Variants in SMAD4 observed in about 807,000 individuals in gnomAD.
SMAD4 encodes the protein SMAD family member 4.
SMAD4 carries 7 observed loss-of-function variants against 63.2 expected under a neutral mutation model. The ratio of observed to expected loss-of-function variants is 0.11; its 90% confidence interval spans 0.06 to 0.21. The LOEUF (loss-of-function observed/expected upper bound fraction) is 0.21. Ranked by LOEUF, SMAD4 falls within the 10% of genes least tolerant of loss-of-function variation. The probability of loss-of-function intolerance (pLI) is 1.00; values close to 1 mark genes in which losing one functional copy is unlikely to be tolerated. For missense variants in SMAD4, 312 were observed against 693.8 expected, an observed-to-expected ratio of 0.45 and a Z score of 6.18; for synonymous variants, 215 against 235.4, an observed-to-expected ratio of 0.91 and a Z score of 0.79.
chr18:51,061,500 G>T (rs765178555), intron 8 of SMAD4, among the ~76,000 whole-genome samples: 5 of 152,066 alleles, frequency 3.3e-5, no homozygotes, highest in African/African-American at 4.8e-5. Context: ...AATACCTCCA[G>T]TTCTATCCAT....
intron 1 of SMAD4, among the ~76,000 whole-genome samples, chr18:51,030,896 C>T (rs1462344483): frequency 1.3e-5 from 2 of 152,070 alleles, no homozygotes; most frequent in Non-Finnish European, 2.9e-5. Context: ...GGACTCCTGC[C>T]GCGGCCGCCG....
At chr18:51,060,109 A>G (rs534007623) in intron 8 of SMAD4, among the ~76,000 whole-genome samples, 193 bp downstream of exon 8, 7 of 152,194 alleles carry the variant, frequency 4.6e-5, no homozygotes, top group Non-Finnish European at 1.0e-4. Context: ...ATTCAGTTTA[A>G]CTGTCCCCAA....
At chr18:51,076,120 C>G (rs945194664) in intron 10 of SMAD4, among the ~76,000 whole-genome samples, 2 of 152,060 alleles carry the variant, frequency 1.3e-5, no homozygotes, top group Non-Finnish European at 2.9e-5. Context: ...TAAAACAAGT[C>G]CTGGATATTA....
At chr18:51,051,547 C>G (rs761778148) in intron 4 of SMAD4, 4 of 376,166 alleles carry the variant, frequency 1.1e-5, no homozygotes, top group Non-Finnish European at 2.1e-5. Context: ...TTCATTTTAA[C>G]AAGTATTTAA....
At chr18:51,035,921 T>C (rs72913249) in intron 1 of SMAD4, among the ~76,000 whole-genome samples, 156 of 152,378 alleles carry the variant, frequency 1.0e-3, no homozygotes, top group Non-Finnish European at 1.9e-3. Flanking sequence ...GGAATCTGTG[T>C]TATTTTTAAA....
At chr18:51,076,324 C>T (rs759427290) in intron 10 of SMAD4, among the ~76,000 whole-genome samples, 2 of 152,094 alleles carry the variant, frequency 1.3e-5, no homozygotes, top group Non-Finnish European at 2.9e-5. Context: ...AGGGGGACTT[C>T]TTAATTGTAC....
chr18:51,068,261 A>C (rs1341469955), intron 10 of SMAD4, among the ~76,000 whole-genome samples: 1 of 152,232 alleles, frequency 6.6e-6, no homozygotes, highest in African/African-American at 2.4e-5. Context: ...CGAAAATAAT[A>C]AACCACATGT....
rs1909639175 is a variant in SMAD4 at position 51,049,334 on chromosome 18, C to T, written c.454+10C>T. 6.3e-7 allele frequency: 1 copy of T among 1,587,754 alleles called. No homozygotes were observed. Among genetic ancestry groups the T allele is most frequent in the Non-Finnish European group, 8.6e-7 (1 of 1,157,328 alleles). ...ACACTGCAGAGTAATGGTAGGTAATCTGTTTCTTACTACTTTCTCTTTGTT... is the reference window on the plus strand; with the variant it reads ...ACACTGCAGAGTAATGGTAGGTAATTTGTTTCTTACTACTTTCTCTTTGTT... On this transcript the variant is annotated intron_variant, in intron 4 of 11. Coordinates refer to ENST00000342988, the MANE Select transcript of SMAD4 (RefSeq NM_005359.6).
intron 8 of SMAD4, among the ~76,000 whole-genome samples, chr18:51,060,177 T>A (rs546775014): frequency 2.6e-5 from 4 of 152,320 alleles, no homozygotes; most frequent in East Asian, 3.9e-4. Flanking sequence ...GACTTCAGCA[T>A]TGAATACATA....
rs1910539297 is a variant in SMAD4 at position 51,078,895 on chromosome 18, A to G, written c.*428A>G. On this transcript the variant is annotated 3_prime_UTR_variant, in exon 12 of 12. Coordinates refer to ENST00000342988, the MANE Select transcript of SMAD4 (RefSeq NM_005359.6). ...AATTCACCTATGTTATTTTGTGTACAAGTTGTTATTGTTGAACATACTTCA... is the reference window on the plus strand; with the variant it reads ...AATTCACCTATGTTATTTTGTGTACGAGTTGTTATTGTTGAACATACTTCA... 4.1e-6 allele frequency: 1 copy of G among 241,338 alleles called. No individual in the cohort carries two copies. The highest frequency in any genetic ancestry group is 5.2e-5 in the Admixed American group (1 of 19,084). The allele number at this position is 241,338 out of a possible 1,614,324, so 14.9% of individuals were successfully genotyped here. A position where few individuals can be genotyped will look rare whatever the true frequency, so the allele number is the denominator to read the frequency against.
chr18:51,033,125 C>G (rs1279470913), intron 1 of SMAD4, among the ~76,000 whole-genome samples: 1 of 151,720 alleles, frequency 6.6e-6, no homozygotes, highest in Non-Finnish European at 1.5e-5. Context: ...ATAAAAGTAA[C>G]CTGACTAAAA....
intron 4 of SMAD4, 110 bp downstream of exon 4, chr18:51,049,434 A>G (rs1909642335): frequency 6.3e-6 from 5 of 797,024 alleles, no homozygotes; most frequent in Non-Finnish European, 8.8e-6. Flanking sequence ...ATTAACAAGA[A>G]AATAACTTAC....
chr18:51,059,785 T>C, intron 7 of SMAD4, 81 bp from the exon 8 acceptor site: 1 of 1,029,122 alleles, frequency 9.7e-7, no homozygotes, highest in South Asian at 1.3e-5. Context: ...AATAGTTATA[T>C]TTAAGTAAGA....
chr18:51,081,826 G>T lies in SMAD4; in HGVS notation c.*3359G>T, dbSNP rs1190404291. 8.6e-6 allele frequency: 2 copies of T among 232,392 alleles called. No individual in the cohort carries two copies. Among genetic ancestry groups the T allele is most frequent in the Non-Finnish European group, 1.7e-5 (2 of 117,550 alleles). The allele number at this position is 232,392 out of a possible 1,614,324, so 14.4% of individuals were successfully genotyped here. A position where few individuals can be genotyped will look rare whatever the true frequency, so the allele number is the denominator to read the frequency against. ...AGGTATCTTTGACTATGGTCATCTG[G>T]GGAAGGAAAATTTTACATTTTACTA... On this transcript the variant is annotated 3_prime_UTR_variant, in exon 12 of 12. Transcript: ENST00000342988.
At chr18:51,051,255 T>C (rs1909703609) in intron 4 of SMAD4, 1 of 405,004 alleles carries the variant, frequency 2.5e-6, no homozygotes, top group Non-Finnish European at 4.8e-6. Context: ...TTGTACGGGT[T>C]GATAGCCTTT....
chr18:51,056,582 T>C (rs1049980955), intron 5 of SMAD4, among the ~76,000 whole-genome samples: 80 of 130,062 alleles, frequency 6.2e-4, no homozygotes, highest in Non-Finnish European at 9.4e-4. Flanking sequence ...AGCGAGTCAC[T>C]GCACTCCAGC....
chr18:51,049,371 T>C, intron 4 of SMAD4, 47 bp downstream of exon 4: 3 of 1,453,826 alleles, frequency 2.1e-6, no homozygotes, highest in Non-Finnish European at 2.9e-6. Flanking sequence ...TGTCCTATCC[T>C]CTCTGTTTTT....
At chr18:51,075,898 G>C (rs890188101) in intron 10 of SMAD4, among the ~76,000 whole-genome samples, 1 of 152,114 alleles carries the variant, frequency 6.6e-6, no homozygotes, top group African/African-American at 2.4e-5. Flanking sequence ...CCATTTTATA[G>C]ATAAAAGAAA....
At position 51,081,835 on chromosome 18, in the gene SMAD4, A is replaced by G; in HGVS notation, c.*3368A>G. On this transcript the variant is annotated 3_prime_UTR_variant, in exon 12 of 12. Transcript: ENST00000342988. ...TGACTATGGTCATCTGGGGAAGGAA[A>G]ATTTTACATTTTACTATTAATGCTC... The G allele has an allele frequency of 4.3e-6, 1 of 232,476 alleles. No individual in the cohort carries two copies. The highest frequency in any genetic ancestry group is 8.5e-6 in the Non-Finnish European group (1 of 117,596). 14.4% of individuals were successfully genotyped at this position (232,476 alleles called of 1,614,324 possible). A position where few individuals can be genotyped will look rare whatever the true frequency, so the allele number is the denominator to read the frequency against.
Sources: allele counts gnomAD v4.1 joint callset (sites outside exome capture counted in the v4.1 genomes callset), GRCh38; gene constraint gnomAD v4.1.1; transcripts MANE v1.5; gene names NCBI Gene and HGNC (gene_info 2026-07-23, HGNC 2026-07-21).